Variants in NIPAL2 observed in about 807,000 individuals in gnomAD.
The protein encoded by NIPAL2 is NIPA like domain containing 2.
Under a neutral mutation model 48.9 loss-of-function variants are expected in NIPAL2, and 43 were observed. The ratio of observed to expected loss-of-function variants is 0.88; its 90% CI spans 0.69 to 1.13. The LOEUF (loss-of-function observed/expected upper bound fraction) is 1.13, where lower values mean the gene tolerates loss of function less well. NIPAL2 is among the 50% of genes most tolerant of loss of function. The probability of loss-of-function intolerance (pLI) is 0.00; values close to 1 mark genes in which losing one functional copy is unlikely to be tolerated. For synonymous variants in NIPAL2, 167 were observed against 174.6 expected, an observed-to-expected ratio of 0.96 and a Z score of 0.34; for missense variants, 446 against 461.4, an observed-to-expected ratio of 0.97 and a Z score of 0.31.
At chr8:98,244,375 T>C (rs1211088296) in intron 3 of NIPAL2, among the ~76,000 whole-genome samples, 13 of 50,182 alleles carry the variant, frequency 2.6e-4, no homozygotes, top group African/African-American at 9.4e-4. Context: ...GGGTAGTCTG[T>C]AATGATGAGA....
intron 6 of NIPAL2, 93 bp from the exon 7 acceptor site, chr8:98,205,339 C>T (rs1810979306): frequency 3.6e-6 from 4 of 1,119,976 alleles, no homozygotes; most frequent in Non-Finnish European, 5.1e-6. Context: ...GCAAATATAC[C>T]AATTATGGTT....
chr8:98,269,543 T>G (rs1054901280), intron 1 of NIPAL2, among the ~76,000 whole-genome samples: 2 of 152,208 alleles, frequency 1.3e-5, no homozygotes, highest in Admixed American at 1.3e-4. Flanking sequence ...ATGGCGGGTT[T>G]AAAATATTAA....
chr8:98,212,481 G>A lies in NIPAL2; in HGVS notation c.579C>T (p.Phe193=). 1 of 1,475,462 alleles carries A rather than the reference G, an allele frequency of 6.8e-7. No individual in the cohort carries two copies. Among genetic ancestry groups the A allele is most frequent in the African/African-American group, 1.4e-5 (1 of 72,340 alleles). The allele number at this position is 1,475,462 out of a possible 1,614,324, so 91.4% of individuals were successfully genotyped here. ...LIYVILEILI[F]CILLYFYKRK... is the part of the protein sequence containing the mutation. ...TTTTATAGAAATACAGGAGAATGCA[G>A]AAAATTAATATTTCTAAAATCTAGA... The change falls in exon 6 of 11, where the codon TTC becomes TTT. Residue 193 remains phenylalanine (F), a synonymous_variant. Transcript: ENST00000430223.
chr8:98,236,123 G>A, intron 4 of NIPAL2, 32 bp downstream of exon 4: 3 of 1,412,100 alleles, frequency 2.1e-6, no homozygotes, highest in Non-Finnish European at 3.0e-6. Context: ...ATCAAGCAAT[G>A]CTACAATTAC....
intron 5 of NIPAL2, among the ~76,000 whole-genome samples, chr8:98,214,483 A>G (rs893946685): frequency 2.0e-5 from 3 of 152,026 alleles, no homozygotes; most frequent in Non-Finnish European, 2.9e-5. Context: ...ATTTTTGACG[A>G]GATGGTATTC....
chr8:98,284,426 A>T (rs1419026935), intron 1 of NIPAL2, among the ~76,000 whole-genome samples: 172 of 151,118 alleles, frequency 1.1e-3, no homozygotes, highest in African/African-American at 3.8e-3. Context: ...TCTCACACAC[A>T]CACACACACA....
chr8:98,281,709 C>T (rs993448623), intron 1 of NIPAL2, among the ~76,000 whole-genome samples: 22 of 152,158 alleles, frequency 1.4e-4, no homozygotes, highest in African/African-American at 5.3e-4. Context: ...CAGAGCACAG[C>T]CTGTTCAATC....
chr8:98,212,797 C>A (rs963160054), intron 5 of NIPAL2, among the ~76,000 whole-genome samples: 3 of 152,142 alleles, frequency 2.0e-5, no homozygotes, highest in African/African-American at 7.2e-5. Context: ...AATAGACACG[C>A]CACAATAATG....
At chr8:98,277,746 G>A (rs1293804846) in intron 1 of NIPAL2, among the ~76,000 whole-genome samples, 1 of 152,060 alleles carries the variant, frequency 6.6e-6, no homozygotes, top group Non-Finnish European at 1.5e-5. Flanking sequence ...TTAGCATAAT[G>A]TTTTCAAGAC....
chr8:98,200,906 T>C lies in NIPAL2; in HGVS notation c.880+2202A>G, dbSNP rs372821191. Among the ~76,000 whole-genome samples, 62 of 152,354 alleles carry C rather than the reference T, an allele frequency of 4.1e-4. 2 individuals carry two copies. The highest frequency in any genetic ancestry group is 1.4e-3 in the African/African-American group (57 of 41,586). Reference sequence around the variant, plus strand: ...AACATCTTTTCACATCTTTTGGCCATTTGTGTATCTTCTTTTCAAGAACAT... The same window carrying C: ...AACATCTTTTCACATCTTTTGGCCACTTGTGTATCTTCTTTTCAAGAACAT... On this transcript the variant is annotated intron_variant, in intron 8 of 10. Transcript: ENST00000430223.
chr8:98,237,151 C>G (rs1281120165), intron 3 of NIPAL2, among the ~76,000 whole-genome samples: 1 of 151,952 alleles, frequency 6.6e-6, no homozygotes, highest in African/African-American at 2.4e-5. Flanking sequence ...ACATTGGACT[C>G]CTAGGCTCAA....
intron 1 of NIPAL2, among the ~76,000 whole-genome samples, chr8:98,260,643 C>T (rs1176454402): frequency 2.0e-5 from 3 of 152,132 alleles, no homozygotes; most frequent in Non-Finnish European, 4.4e-5. Context: ...CACGGAGTCT[C>T]GCTGATTGCT....
intron 1 of NIPAL2, among the ~76,000 whole-genome samples, chr8:98,263,386 A>T (rs1814486354): frequency 6.6e-6 from 1 of 150,740 alleles, no homozygotes. Flanking sequence ...CGCTAGCAAG[A>T]CTAATAAAGA....
At chr8:98,214,207 A>G (rs1367357649) in intron 5 of NIPAL2, among the ~76,000 whole-genome samples, 7 of 150,634 alleles carry the variant, frequency 4.6e-5, no homozygotes, top group Admixed American at 3.3e-4. Context: ...TCTGTTGCCC[A>G]GGCTGGAGTG....
At chr8:98,201,648 A>G (rs1336236175) in intron 8 of NIPAL2, among the ~76,000 whole-genome samples, 1 of 152,214 alleles carries the variant, frequency 6.6e-6, no homozygotes, top group Non-Finnish European at 1.5e-5. Context: ...GCACATTAAT[A>G]TTAACTATCA....
intron 3 of NIPAL2, chr8:98,251,596 T>G (rs1447381388): frequency 1.3e-5 from 2 of 152,226 alleles, no homozygotes; most frequent in African/African-American, 2.4e-5. Flanking sequence ...ATGATTGAGA[T>G]AAATGACTTA....
Position 98,277,841 on chromosome 8 carries a change from A to T in NIPAL2, c.135+16162T>A, listed in dbSNP as rs115828137. On this transcript the variant is annotated intron_variant, in intron 1 of 10. Coordinates refer to ENST00000430223, the MANE Select transcript of NIPAL2 (RefSeq NM_001321635.2). ...TATGGCTATGTAATATTCCATTGCA[A>T]GAACATACTACATTTTATTTATCCA... is the stretch of plus-strand genomic sequence containing the variant. 3.2e-3 allele frequency among the ~76,000 whole-genome samples: 488 copies of T among 152,344 alleles called. 1 individual carries two copies. Among genetic ancestry groups the T allele is most frequent in the African/African-American group, 0.011 (455 of 41,592 alleles).
At chr8:98,271,182 CT>C in intron 1 of NIPAL2, among the ~76,000 whole-genome samples, 1 of 152,024 alleles carries the variant, frequency 6.6e-6, no homozygotes, top group African/African-American at 2.4e-5. Context: ...TATTCAGGCT[CT>C]TTTTTGGTAC....
intron 1 of NIPAL2, among the ~76,000 whole-genome samples, chr8:98,258,245 G>A (rs139874364): frequency 7.4e-4 from 113 of 152,276 alleles, no homozygotes; most frequent in African/African-American, 1.9e-3. Context: ...GGAAGAATGG[G>A]GAGTTTGTGT....
Sources: gnomAD v4.1 joint callset for allele counts (sites outside exome capture counted in the v4.1 genomes callset) on GRCh38, gnomAD v4.1.1 for gene constraint, MANE v1.5 for transcripts, NCBI Gene and HGNC (gene_info 2026-07-23, HGNC 2026-07-21) for gene names.